EFCAB11: variants seen among roughly 807,000 people sequenced by gnomAD.
EFCAB11 encodes EF-hand calcium-binding domain-containing protein 11.
A neutral mutation model predicts 23.0 loss-of-function variants in EFCAB11; 14 were observed. The ratio of observed to expected loss-of-function variants is 0.61; its 90% confidence interval spans 0.40 to 0.95. The LOEUF is 0.95. Ranked by LOEUF, EFCAB11 falls within the 40% of genes least tolerant of loss-of-function variation. EFCAB11 has a pLI of 0.00. For missense variants in EFCAB11, 198 were observed against 195.8 expected (o/e 1.01, Z -0.07); for synonymous variants, 65 against 66.6 (o/e 0.98, Z 0.11).
chr14:89,856,804 G>A (rs761934659), intron 5 of EFCAB11, among the ~76,000 whole-genome samples: 14 of 152,120 alleles, frequency 9.2e-5, no homozygotes, highest in Non-Finnish European at 2.1e-4. Flanking sequence ...CTATTGAGTT[G>A]TATGAGTCCT....
chr14:89,930,734 T>C (rs1447253612), intron 5 of EFCAB11, among the ~76,000 whole-genome samples: 2 of 152,184 alleles, frequency 1.3e-5, no homozygotes, highest in Non-Finnish European at 2.9e-5. Context: ...CATTCGCCCC[T>C]GGTTTGCCTA....
chr14:89,906,730 T>G (rs775389338), intron 5 of EFCAB11, among the ~76,000 whole-genome samples: 2 of 152,138 alleles, frequency 1.3e-5, no homozygotes, highest in Non-Finnish European at 2.9e-5. Flanking sequence ...TATGGTAATG[T>G]TGTAGCCAGG....
chr14:89,848,081 T>C (rs969680516), intron 5 of EFCAB11, among the ~76,000 whole-genome samples: 2 of 152,370 alleles, frequency 1.3e-5, no homozygotes, highest in African/African-American at 4.8e-5. Context: ...CTGAATGCCC[T>C]CATGCTTCTC....
At chr14:89,839,674 C>T (rs1018937220) in intron 5 of EFCAB11, among the ~76,000 whole-genome samples, 1 of 152,098 alleles carries the variant, frequency 6.6e-6, no homozygotes, top group Non-Finnish European at 1.5e-5. Context: ...AATTGGCTTA[C>T]AGTTCCACAG....
chr14:89,917,744 CT>C (rs2139779688), intron 5 of EFCAB11, among the ~76,000 whole-genome samples: 1 of 152,302 alleles, frequency 6.6e-6, no homozygotes, highest in East Asian at 1.9e-4. Context: ...GGTTCTGTGA[CT>C]TCTTTGACCA....
At chr14:89,943,587 T>C (rs1170580385) in intron 3 of EFCAB11, among the ~76,000 whole-genome samples, 1 of 152,166 alleles carries the variant, frequency 6.6e-6, no homozygotes, top group Admixed American at 6.5e-5. Flanking sequence ...AGAGATAATA[T>C]ATGTGGAAAA....
intron 5 of EFCAB11, among the ~76,000 whole-genome samples, chr14:89,799,872 C>T (rs1387760978): frequency 6.6e-6 from 1 of 152,194 alleles, no homozygotes. Flanking sequence ...AAACTATCAC[C>T]TCATTGTTTT....
intron 5 of EFCAB11, chr14:89,892,192 C>A: frequency 1.3e-6 from 2 of 1,584,954 alleles, no homozygotes; most frequent in Non-Finnish European, 1.7e-6. Context: ...ACCTGCAGAG[C>A]ACCCGCTGTG....
chr14:89,894,538 T>C (rs1889099545), intron 5 of EFCAB11, among the ~76,000 whole-genome samples: 1 of 146,334 alleles, frequency 6.8e-6, no homozygotes, highest in African/African-American at 2.5e-5. Context: ...AGATAAGAAA[T>C]TCTTTAATCT....
chr14:89,826,792 A>G (rs1195066689), intron 5 of EFCAB11, among the ~76,000 whole-genome samples: 1 of 152,162 alleles, frequency 6.6e-6, no homozygotes, highest in Non-Finnish European at 1.5e-5. Context: ...ATAATGGCTA[A>G]GTGCAGCCGC....
chr14:89,859,089 T>G (rs1324491489), intron 5 of EFCAB11, among the ~76,000 whole-genome samples: 2 of 152,172 alleles, frequency 1.3e-5, no homozygotes, highest in Non-Finnish European at 2.9e-5. Flanking sequence ...ATCACGAAAT[T>G]GTAAAAATCA....
intron 5 of EFCAB11, among the ~76,000 whole-genome samples, chr14:89,906,310 CTGATA>C (rs1889498646): frequency 6.6e-6 from 1 of 152,000 alleles, no homozygotes; most frequent in South Asian, 2.1e-4. Flanking sequence ...TCATGATTAC[CTGATA>C]TATCTGTTAA....
At chr14:89,882,203 T>G (rs868162247) in intron 5 of EFCAB11, among the ~76,000 whole-genome samples, 1 of 152,234 alleles carries the variant, frequency 6.6e-6, no homozygotes, top group Non-Finnish European at 1.5e-5. Flanking sequence ...AATATTGGTA[T>G]CTGTGAAGAC....
intron 5 of EFCAB11, among the ~76,000 whole-genome samples, chr14:89,877,334 G>A (rs771800410): frequency 5.9e-5 from 9 of 151,942 alleles, no homozygotes; most frequent in Admixed American, 1.3e-4. Flanking sequence ...CACCGCACCC[G>A]GCCAACCAAA....
At chr14:89,808,466 T>C (rs1278177691) in intron 5 of EFCAB11, among the ~76,000 whole-genome samples, 1 of 152,220 alleles carries the variant, frequency 6.6e-6, no homozygotes, top group Non-Finnish European at 1.5e-5. Context: ...AATTAAGATT[T>C]GCTTTTAACA....
intron 5 of EFCAB11, among the ~76,000 whole-genome samples, chr14:89,889,464 G>GT (rs1220749055): frequency 6.6e-6 from 1 of 152,160 alleles, no homozygotes; most frequent in Non-Finnish European, 1.5e-5. Flanking sequence ...TTGCCAAATG[G>GT]TAAGTGCTTA....
intron 5 of EFCAB11, among the ~76,000 whole-genome samples, chr14:89,868,266 G>A (rs564814160): frequency 9.1e-4 from 139 of 152,304 alleles, no homozygotes; most frequent in African/African-American, 3.2e-3. Context: ...AAGACCAGTA[G>A]GACTAAGCTA....
At chr14:89,887,177 A>C (rs182490478) in intron 5 of EFCAB11, among the ~76,000 whole-genome samples, 178 of 152,314 alleles carry the variant, frequency 1.2e-3, no homozygotes, top group African/African-American at 4.0e-3. Flanking sequence ...GGAAACAAAA[A>C]CAAAAATCTT....
chr14:89,950,070 A>G, intron 3 of EFCAB11, 27 bp downstream of exon 3: 1 of 1,521,082 alleles, frequency 6.6e-7, no homozygotes. Flanking sequence ...ATAAGGTACT[A>G]AAAATTAATA....
Sources: allele counts gnomAD v4.1 joint callset (sites outside exome capture counted in the v4.1 genomes callset), GRCh38; gene constraint gnomAD v4.1.1; transcripts MANE v1.5; gene names NCBI Gene and HGNC (gene_info 2026-07-23, HGNC 2026-07-21).